Variants in KHDRBS2 observed in about 807,000 individuals in gnomAD.
The protein encoded by KHDRBS2 is KH RNA binding domain containing, signal transduction associated 2.
Under a neutral mutation model 44.3 loss-of-function variants are expected in KHDRBS2, and 26 were observed. The observed-to-expected ratio is 0.59, with a 90% CI of 0.43 to 0.81. The LOEUF is 0.81. Among genes scored for constraint, KHDRBS2 ranks in the 40% least tolerant of loss-of-function variants. The pLI, the probability that KHDRBS2 is intolerant of heterozygous loss-of-function variation, is 0.00. For synonymous variants in KHDRBS2, 194 were observed against 151.1 expected, an observed-to-expected ratio of 1.28 and a Z score of -2.08; for missense variants, 476 against 433.1, an observed-to-expected ratio of 1.10 and a Z score of -0.88.
At chr6:62,126,869 GATTT>G (rs1398116173) in intron 2 of KHDRBS2, among the ~76,000 whole-genome samples, 1 of 152,102 alleles carries the variant, frequency 6.6e-6, no homozygotes, top group African/African-American at 2.4e-5. Flanking sequence ...TTAGAACCAT[GATTT>G]ATTTAACTTT....
At chr6:61,739,456 G>A (rs1219296473) in intron 6 of KHDRBS2, among the ~76,000 whole-genome samples, 4 of 151,760 alleles carry the variant, frequency 2.6e-5, no homozygotes, top group South Asian at 2.1e-4. Flanking sequence ...CCTCAATTTC[G>A]TGTTCCATTT....
chr6:62,163,854 A>G (rs1818150743), intron 2 of KHDRBS2, among the ~76,000 whole-genome samples: 1 of 151,978 alleles, frequency 6.6e-6, no homozygotes, highest in Non-Finnish European at 1.5e-5. Context: ...TGCTTTTCTC[A>G]GTGTCTGACA....
At chr6:61,888,542 C>A (rs1801311483) in intron 6 of KHDRBS2, among the ~76,000 whole-genome samples, 1 of 149,050 alleles carries the variant, frequency 6.7e-6, no homozygotes, top group Non-Finnish European at 1.5e-5. Flanking sequence ...AAGAGAGATT[C>A]CTTATAGTTT....
intron 2 of KHDRBS2, among the ~76,000 whole-genome samples, chr6:62,062,364 C>T (rs1467969404): frequency 3.5e-3 from 497 of 142,342 alleles, no homozygotes; most frequent in Non-Finnish European, 4.0e-3. Flanking sequence ...CCAAAATTGA[C>T]CACATACTTG....
At chr6:61,856,089 T>C (rs1178633630) in intron 6 of KHDRBS2, among the ~76,000 whole-genome samples, 2 of 152,160 alleles carry the variant, frequency 1.3e-5, no homozygotes, top group Admixed American at 1.3e-4. Context: ...TCCTTTTTTG[T>C]TGTTATGTAT....
At chr6:61,710,958 G>C (rs1161129305) in intron 7 of KHDRBS2, among the ~76,000 whole-genome samples, 2 of 148,334 alleles carry the variant, frequency 1.3e-5, no homozygotes, top group Non-Finnish European at 3.0e-5. Context: ...CAGAAATCTG[G>C]AGTTTCATTT....
chr6:61,798,337 A>T (rs2127588392), intron 6 of KHDRBS2, among the ~76,000 whole-genome samples: 1 of 152,228 alleles, frequency 6.6e-6, no homozygotes, highest in Middle Eastern at 3.4e-3. Flanking sequence ...TTCCATGCTC[A>T]AAAGCCTGAA....
rs75109643 is a variant in KHDRBS2, at chr6:61,822,902, A to G, written c.810+71733T>C. Among the ~76,000 whole-genome samples, 60 of 152,152 alleles carry G rather than the reference A, an allele frequency of 3.9e-4. 1 individual carries two copies. In the East Asian group the frequency reaches 0.011, roughly 27 times the overall value. ...ATATTATTTCTACTACAATCCTTGA[A>G]ACAGTGTATCATAATTAGCTCTCTG... On this transcript the variant is annotated intron_variant, in intron 6 of 8. Transcript: ENST00000281156.
At chr6:61,594,802 A>G in the KHDRBS2 span, among the ~76,000 whole-genome samples, 1 of 152,136 alleles carries the variant, frequency 6.6e-6, no homozygotes, top group African/African-American at 2.4e-5. Context: ...TTGAGGTCAA[A>G]AAGACTTAAT....
At chr6:61,706,731 A>G (rs1238029804) in intron 7 of KHDRBS2, among the ~76,000 whole-genome samples, 1 of 151,828 alleles carries the variant, frequency 6.6e-6, no homozygotes, top group Non-Finnish European at 1.5e-5. Flanking sequence ...AATAAAATAT[A>G]TAAATGTTGC....
At chr6:61,745,974 A>T (rs1244284248) in intron 6 of KHDRBS2, among the ~76,000 whole-genome samples, 2 of 152,070 alleles carry the variant, frequency 1.3e-5, no homozygotes, top group African/African-American at 2.4e-5. Flanking sequence ...AACTTGCCCC[A>T]TTTCTGTTGT....
At chr6:61,973,268 T>A (rs1303810763) in intron 4 of KHDRBS2, among the ~76,000 whole-genome samples, 5 of 152,206 alleles carry the variant, frequency 3.3e-5, no homozygotes, top group African/African-American at 1.2e-4. Flanking sequence ...AAAGTTTAGA[T>A]CTATCTACTA....
intron 6 of KHDRBS2, among the ~76,000 whole-genome samples, chr6:61,850,146 A>T (rs1003371099): frequency 6.6e-6 from 1 of 152,086 alleles, no homozygotes; most frequent in African/African-American, 2.4e-5. Flanking sequence ...CCTACAAGGT[A>T]GAATGGAGAT....
At chr6:62,164,626 G>A (rs1187306442) in intron 2 of KHDRBS2, among the ~76,000 whole-genome samples, 2 of 151,362 alleles carry the variant, frequency 1.3e-5, no homozygotes, top group Non-Finnish European at 1.5e-5. Context: ...ATACTCAAGG[G>A]GAACAAACTC....
chr6:62,177,666 A>G (rs1821420719), intron 1 of KHDRBS2, among the ~76,000 whole-genome samples: 1 of 151,464 alleles, frequency 6.6e-6, no homozygotes, highest in African/African-American at 2.4e-5. Context: ...AATTTTTTCC[A>G]GGAGCAATAA....
chr6:61,591,914 T>G, the KHDRBS2 span, among the ~76,000 whole-genome samples: 1 of 152,032 alleles, frequency 6.6e-6, no homozygotes, highest in Non-Finnish European at 1.5e-5. Flanking sequence ...GGGCCAGGTG[T>G]GGTGGCTGAC....
At chr6:61,899,128 G>C (rs2127339848) in intron 5 of KHDRBS2, among the ~76,000 whole-genome samples, 1 of 151,914 alleles carries the variant, frequency 6.6e-6, no homozygotes, top group African/African-American at 2.4e-5. Flanking sequence ...AACAAAACAA[G>C]AGCAAAGACC....
chr6:62,217,224 T>C (rs1239243592), intron 1 of KHDRBS2, among the ~76,000 whole-genome samples: 1 of 151,686 alleles, frequency 6.6e-6, no homozygotes, highest in East Asian at 1.9e-4. Context: ...CCTAAAATCA[T>C]ACTGTCACTA....
chr6:61,956,120 G>C (rs899622439), intron 4 of KHDRBS2, among the ~76,000 whole-genome samples: 1 of 151,952 alleles, frequency 6.6e-6, no homozygotes, highest in African/African-American at 2.4e-5. Context: ...CTTGAACCCG[G>C]GAGGCACAGG....
Sources: allele counts gnomAD v4.1 joint callset (sites outside exome capture counted in the v4.1 genomes callset), GRCh38; gene constraint gnomAD v4.1.1; transcripts MANE v1.5; gene names NCBI Gene and HGNC (gene_info 2026-07-23, HGNC 2026-07-21).